CFAP97D2: variants seen among roughly 807,000 people sequenced by gnomAD.
CFAP97D2 encodes CFAP97 domain containing 2.
rs2138751103 is a variant in CFAP97D2, at chr13:114,185,934, T to TTCA, written c.90+6515_90+6517dup. 6.6e-6 allele frequency among the ~76,000 whole-genome samples: 1 copy of TTCA among 152,286 alleles called. No homozygotes were observed. Among genetic ancestry groups the TTCA allele is most frequent in the South Asian group, 2.1e-4 (1 of 4,830 alleles). On this transcript the variant is annotated intron_variant, in intron 1 of 4. Transcript: ENST00000646158. The surrounding 1 kb of genome is among the most constrained non-coding windows in gnomAD (Gnocchi z 5.2). Reference sequence around the variant, plus strand: ...GTCAGGTTCCTGGTGAAGCCCCACCTTCAAGCTGGGGAGGGCCTGAAGCCT... The same window carrying TTCA: ...GTCAGGTTCCTGGTGAAGCCCCACCTTCATCAAGCTGGGGAGGGCCTGAAGCCT...
At chr13:114,217,706 C>A (rs1415513142) in intron 4 of CFAP97D2, among the ~76,000 whole-genome samples, 27 of 152,304 alleles carry the variant, frequency 1.8e-4, no homozygotes, top group Non-Finnish European at 1.5e-5. Context: ...CCCTGGGATG[C>A]AAGCCTGGTT....
chr13:114,184,341 A>G (rs1594513086), intron 1 of CFAP97D2, among the ~76,000 whole-genome samples: 1 of 152,240 alleles, frequency 6.6e-6, no homozygotes, highest in East Asian at 1.9e-4. Context: ...ATGAATGAGA[A>G]TTTCCACCAC....
At chr13:114,220,044 G>A (rs1256499260) in intron 4 of CFAP97D2, among the ~76,000 whole-genome samples, 1 of 152,060 alleles carries the variant, frequency 6.6e-6, no homozygotes, top group African/African-American at 2.4e-5. Context: ...CGGCACACAC[G>A]TCTTCTCATT....
rs543536515 is a variant in CFAP97D2, at chr13:114,200,832, A to C, written c.290+389A>C. ...GGTGGCAGAACTTGGCCAAGGTTGC[A>C]GTTCGGCGGCGGAGGAACACAGGCT... On this transcript the variant is annotated intron_variant, in intron 3 of 4. Transcript: ENST00000646158. 8.5e-5 allele frequency among the ~76,000 whole-genome samples: 13 copies of C among 152,352 alleles called. No individual in the cohort carries two copies. In the South Asian group the frequency reaches 2.7e-3, roughly 32 times the overall value.
chr13:114,180,375 C>T (rs917745662), intron 1 of CFAP97D2, among the ~76,000 whole-genome samples: 3 of 152,142 alleles, frequency 2.0e-5, no homozygotes, highest in Admixed American at 1.3e-4. Flanking sequence ...CGCCATAGCA[C>T]CCAGCCCCCA....
At position 114,207,564 on chromosome 13, in the gene CFAP97D2, T is replaced by G. The variant is rs1303051320; in HGVS notation, c.291-4348T>G. 6.6e-6 allele frequency among the ~76,000 whole-genome samples: 1 copy of G among 152,208 alleles called. No individual in the cohort carries two copies. Among genetic ancestry groups the G allele is most frequent in the Non-Finnish European group, 1.5e-5 (1 of 68,038 alleles). On this transcript the variant is annotated intron_variant, in intron 3 of 4. Transcript: ENST00000646158. This position sits in a 1 kb window ranked among gnomAD's most constrained non-coding sequence, Gnocchi z 4.9. Reference sequence around the variant, plus strand: ...TCCTATGACAATCTAATGGCACTGCTGATCTGACAGGAGGTGGAGCTCAGG... The same window carrying G: ...TCCTATGACAATCTAATGGCACTGCGGATCTGACAGGAGGTGGAGCTCAGG...
intron 4 of CFAP97D2, among the ~76,000 whole-genome samples, chr13:114,220,217 C>T (rs928643224): frequency 6.6e-6 from 1 of 152,086 alleles, no homozygotes; most frequent in Admixed American, 6.5e-5. Flanking sequence ...ATGGTTCGGC[C>T]AGCTGCCAGA....
intron 1 of CFAP97D2, among the ~76,000 whole-genome samples, chr13:114,184,578 CAT>C (rs1240010865): frequency 3.3e-5 from 5 of 152,024 alleles, no homozygotes; most frequent in East Asian, 1.9e-4. Flanking sequence ...TGTAGGGAGA[CAT>C]GTGAAGTGTC....
chr13:114,195,817 A>T (rs1262453949), intron 1 of CFAP97D2, among the ~76,000 whole-genome samples: 1 of 151,964 alleles, frequency 6.6e-6, no homozygotes, highest in East Asian at 1.9e-4. Context: ...CACGCCTGTA[A>T]TCCCAGCACT....
intron 4 of CFAP97D2, among the ~76,000 whole-genome samples, chr13:114,213,950 A>G (rs1464866228): frequency 2.5e-4 from 24 of 97,912 alleles, no homozygotes; most frequent in Middle Eastern, 7.1e-3. Flanking sequence ...CCCCACCCCT[A>G]TGGAAGCTCC....
chr13:114,205,352 A>G (rs893593504), intron 3 of CFAP97D2, among the ~76,000 whole-genome samples: 2 of 152,236 alleles, frequency 1.3e-5, no homozygotes, highest in African/African-American at 4.8e-5. Flanking sequence ...ACCAAGAGAA[A>G]TGAAAACATG....
Position 114,186,233 on chromosome 13 carries a change from C to T in CFAP97D2, c.90+6813C>T, listed in dbSNP as rs1048127467. Among the ~76,000 whole-genome samples, 1 of 152,120 alleles carries T rather than the reference C, an allele frequency of 6.6e-6. No individual in the cohort carries two copies. The highest frequency in any genetic ancestry group is 2.4e-5 in the African/African-American group (1 of 41,428). On this transcript the variant is annotated intron_variant, in intron 1 of 4. Transcript: ENST00000646158. This position sits in a 1 kb window ranked among gnomAD's most constrained non-coding sequence, Gnocchi z 4.3. ...AGGGGAGCTGCACACCCCAAGGTCT[C>T]CTCTCTGCTGAGAGCTGAGACGTCA...
At chr13:114,188,486 CA>C in intron 1 of CFAP97D2, among the ~76,000 whole-genome samples, 1 of 151,942 alleles carries the variant, frequency 6.6e-6, no homozygotes, top group South Asian at 2.1e-4. Context: ...TTAAGAAACT[CA>C]AAAAAAGAGG....
At chr13:114,214,697 C>G (rs909109449) in intron 4 of CFAP97D2, among the ~76,000 whole-genome samples, 2 of 152,190 alleles carry the variant, frequency 1.3e-5, no homozygotes, top group African/African-American at 2.4e-5. Flanking sequence ...AGTGATTCTC[C>G]TGCCTCAGCC....
At chr13:114,213,783 A>C (rs2080981301) in intron 4 of CFAP97D2, among the ~76,000 whole-genome samples, 1 of 126,274 alleles carries the variant, frequency 7.9e-6, no homozygotes, top group Non-Finnish European at 1.6e-5. Flanking sequence ...CACAGACCCC[A>C]CCCCTGGACA....
chr13:114,201,346 A>G (rs1177152271), intron 3 of CFAP97D2, among the ~76,000 whole-genome samples: 2 of 152,166 alleles, frequency 1.3e-5, no homozygotes, highest in Admixed American at 6.5e-5. Context: ...ATCCCCAAGA[A>G]GCTTATAGTA....
At chr13:114,184,353 T>C (rs963495117) in intron 1 of CFAP97D2, among the ~76,000 whole-genome samples, 1 of 152,156 alleles carries the variant, frequency 6.6e-6, no homozygotes, top group Non-Finnish European at 1.5e-5. Flanking sequence ...TTCCACCACG[T>C]TAATGTCAGA....
intron 2 of CFAP97D2, among the ~76,000 whole-genome samples, chr13:114,198,435 T>C (rs1048961266): frequency 1.3e-5 from 2 of 152,232 alleles, no homozygotes; most frequent in Admixed American, 6.5e-5. Context: ...GCTCAAATAT[T>C]CTCTTCTTAT....
chr13:114,199,890 C>T lies in CFAP97D2; in HGVS notation c.172-435C>T, dbSNP rs1293148428. 2 of 1,906 alleles carry T rather than the reference C, an allele frequency of 1.0e-3. 1 individual carries two copies. The highest frequency in any genetic ancestry group is 0.019 in the African/African-American group (2 of 104). 0.1% of individuals were successfully genotyped at this position (1,906 alleles called of 1,614,324 possible). A position where few individuals can be genotyped will look rare whatever the true frequency, so the allele number is the denominator to read the frequency against. On this transcript the variant is annotated intron_variant, in intron 2 of 4. Transcript: ENST00000646158. ...TACGGTCCCCGATGAGGCGTGACGG[C>T]GCGTCCCCGTGCTTACGGTCCCCGA... is the stretch of plus-strand genomic sequence containing the variant.
Sources: gnomAD v4.1 joint callset for allele counts (sites outside exome capture counted in the v4.1 genomes callset) on GRCh38, gnomAD v4.1.1 for gene constraint, Gnocchi (gnomAD v3.1) non-coding constraint, MANE v1.5 for transcripts, NCBI Gene and HGNC (gene_info 2026-07-23, HGNC 2026-07-21) for gene names.